The following ELP4 variants were observed in gnomAD, a reference collection of about 807,000 sequenced individuals.
ELP4 encodes elongator acetyltransferase complex subunit 4.
A neutral mutation model predicts 48.9 loss-of-function variants in ELP4; 51 were observed. The ratio of observed to expected loss-of-function variants is 1.04; its 90% CI spans 0.83 to 1.32. The LOEUF (loss-of-function observed/expected upper bound fraction) is 1.32, where lower values mean the gene tolerates loss of function less well. ELP4 is among the 40% of genes most tolerant of loss of function. ELP4 has a pLI of 0.00. For synonymous variants in ELP4, 210 were observed against 189.2 expected, an observed-to-expected ratio of 1.11 and a Z score of -0.90; for missense variants, 519 against 514.6, an observed-to-expected ratio of 1.01 and a Z score of -0.08.
chr11:31,621,115 C>T (rs1944611696), intron 5 of ELP4, among the ~76,000 whole-genome samples: 1 of 151,902 alleles, frequency 6.6e-6, no homozygotes, highest in African/African-American at 2.4e-5. Flanking sequence ...CTATTTTATA[C>T]AATTAGTTGA....
intron 5 of ELP4, among the ~76,000 whole-genome samples, chr11:31,623,355 A>ATATATG (rs1944662394): frequency 4.4e-5 from 1 of 22,488 alleles, no homozygotes; most frequent in African/African-American, 1.2e-4. Context: ...TTTTCAGCAA[A>ATATATG]TATATATATA....
intron 2 of ELP4, among the ~76,000 whole-genome samples, chr11:31,534,246 G>T (rs1956461671): frequency 6.7e-6 from 1 of 150,346 alleles, no homozygotes; most frequent in Admixed American, 6.7e-5. Flanking sequence ...GGATTATAAG[G>T]ATGGGGAGAG....
chr11:31,702,766 G>C (rs1400496499), intron 9 of ELP4, among the ~76,000 whole-genome samples: 1 of 151,984 alleles, frequency 6.6e-6, no homozygotes, highest in Non-Finnish European at 1.5e-5. Flanking sequence ...ATTGCCTTCA[G>C]GTATTTTTTA....
Position 31,612,834 on chromosome 11 carries a change from G to A in ELP4, c.653+8927G>A, listed in dbSNP as rs539691025. Among the ~76,000 whole-genome samples the A allele has an allele frequency of 1.8e-4, 28 of 152,266 alleles. 1 individual carries two copies. Among genetic ancestry groups the A allele is most frequent in the Admixed American group, 1.3e-3 (20 of 15,270 alleles). On this transcript the variant is annotated intron_variant, in intron 5 of 9. Transcript: ENST00000640961. Reference sequence around the variant, plus strand: ...AGCAACTTAAAAGGAGAATGGCTGGGGGTTAGCTATATGTAAAAGAAGCAT... The same window carrying A: ...AGCAACTTAAAAGGAGAATGGCTGGAGGTTAGCTATATGTAAAAGAAGCAT...
In ELP4 at chr11:31,661,827, G is replaced by A. The variant is rs1218831910; in HGVS notation, c.1143+11606G>A. Among the ~76,000 whole-genome samples, 3 of 152,010 alleles carry A rather than the reference G, an allele frequency of 2.0e-5. No homozygotes were observed. In the East Asian group the frequency reaches 5.8e-4, roughly 29 times the overall value. Reference sequence around the variant, plus strand: ...TAATGAGCTGTTATTGTTGAAAACAGTTCATGAGACTTATGAGTTACAGAT... The same window carrying A: ...TAATGAGCTGTTATTGTTGAAAACAATTCATGAGACTTATGAGTTACAGAT... On this transcript the variant is annotated intron_variant, in intron 9 of 9. Coordinates refer to ENST00000640961, the MANE Select transcript of ELP4 (RefSeq NM_019040.5).
chr11:31,627,032 C>A, intron 5 of ELP4, 78 bp from the exon 6 acceptor site: 3 of 760,836 alleles, frequency 3.9e-6, no homozygotes. Flanking sequence ...TAATTATTTA[C>A]TTAATGTTTT....
At chr11:31,738,986 G>C (rs1947386232) in intron 9 of ELP4, among the ~76,000 whole-genome samples, 1 of 152,194 alleles carries the variant, frequency 6.6e-6, no homozygotes, top group South Asian at 2.1e-4. Context: ...ATAAGTTCTA[G>C]AGATCTGTGT....
At chr11:31,689,813 A>G (rs1334893814) in intron 9 of ELP4, among the ~76,000 whole-genome samples, 1 of 152,068 alleles carries the variant, frequency 6.6e-6, no homozygotes, top group Non-Finnish European at 1.5e-5. Flanking sequence ...CACCTATTAA[A>G]TAGAGATAAT....
intron 9 of ELP4, among the ~76,000 whole-genome samples, chr11:31,769,352 C>T (rs1015754665): frequency 2.6e-5 from 4 of 152,168 alleles, no homozygotes; most frequent in African/African-American, 9.7e-5. Flanking sequence ...AGGAAATCAA[C>T]ACGTTCATGT....
chr11:31,621,012 G>A (rs1331057268), intron 5 of ELP4, among the ~76,000 whole-genome samples: 4 of 151,874 alleles, frequency 2.6e-5, no homozygotes, highest in Non-Finnish European at 5.9e-5. Context: ...TAACAGTAAT[G>A]AAATTTTTAA....
chr11:31,639,684 C>T (rs1365188655), intron 7 of ELP4, among the ~76,000 whole-genome samples: 1 of 151,738 alleles, frequency 6.6e-6, no homozygotes. Context: ...TGAATAAGAA[C>T]AGGATATATT....
At chr11:31,591,319 T>G (rs1230519681) in intron 3 of ELP4, among the ~76,000 whole-genome samples, 1 of 140,760 alleles carries the variant, frequency 7.1e-6, no homozygotes, top group African/African-American at 2.7e-5. Flanking sequence ...GGCAAGAGAA[T>G]GGCATGAACC....
chr11:31,674,343 C>A (rs1214989293), intron 9 of ELP4, among the ~76,000 whole-genome samples: 1 of 152,110 alleles, frequency 6.6e-6, no homozygotes, highest in African/African-American at 2.4e-5. Flanking sequence ...TTTTCACTAA[C>A]AAAATATGGA....
At chr11:31,749,029 A>G (rs1947659965) in intron 9 of ELP4, among the ~76,000 whole-genome samples, 1 of 152,214 alleles carries the variant, frequency 6.6e-6, no homozygotes, top group Admixed American at 6.5e-5. Flanking sequence ...GCAAGGAGGT[A>G]TGAATGCCAG....
At chr11:31,512,299 G>T (rs1956024032) in intron 1 of ELP4, 1 of 152,114 alleles carries the variant, frequency 6.6e-6, no homozygotes, top group Non-Finnish European at 1.5e-5. Context: ...TAGCTTCCGT[G>T]TAGTACGGTG....
At chr11:31,591,599 A>G (rs1193921227) in intron 3 of ELP4, among the ~76,000 whole-genome samples, 1 of 152,094 alleles carries the variant, frequency 6.6e-6, no homozygotes, top group Non-Finnish European at 1.5e-5. Context: ...AATAATAATA[A>G]TAACAACAAT....
Position 31,784,392 on chromosome 11 carries a change from C to T in ELP4, c.*868C>T, listed in dbSNP as rs556186985. Reference sequence around the variant, plus strand: ...ATTGGTTGAGTGTGTAAATTTCTAACCATGTAAACATGTCTTTGGGGGGTA... The same window carrying T: ...ATTGGTTGAGTGTGTAAATTTCTAATCATGTAAACATGTCTTTGGGGGGTA... On this transcript the variant is annotated 3_prime_UTR_variant, in exon 10 of 10. Transcript: ENST00000640961. 1.3e-4 allele frequency: 20 copies of T among 152,180 alleles called. No individual in the cohort carries two copies. Among genetic ancestry groups the T allele is most frequent in the African/African-American group, 4.8e-4 (20 of 41,558 alleles). 9.4% of individuals were successfully genotyped at this position (152,180 alleles called of 1,614,324 possible).
intron 9 of ELP4, chr11:31,651,107 G>A (rs1021652049): frequency 6.6e-6 from 1 of 151,670 alleles, no homozygotes; most frequent in African/African-American, 2.4e-5. Context: ...ATGTGGCTTG[G>A]CACTGCTTTG....
chr11:31,696,995 G>T (rs1193626943), intron 9 of ELP4, among the ~76,000 whole-genome samples: 1 of 151,940 alleles, frequency 6.6e-6, no homozygotes, highest in Non-Finnish European at 1.5e-5. Flanking sequence ...AACAAAAAAA[G>T]GCAGGGGTTG....
Sources: gnomAD v4.1 joint callset for allele counts (sites outside exome capture counted in the v4.1 genomes callset) on GRCh38, gnomAD v4.1.1 for gene constraint, MANE v1.5 for transcripts, NCBI Gene and HGNC (gene_info 2026-07-23, HGNC 2026-07-21) for gene names.